The following KCP variants were observed in gnomAD, a reference collection of about 807,000 sequenced individuals.
KCP encodes kielin cysteine rich BMP regulator.
KCP carries 194 observed loss-of-function variants against 212.7 expected under a neutral mutation model. The observed-to-expected ratio is 0.91, with a 90% CI of 0.81 to 1.03. KCP has a LOEUF of 1.03. KCP is among the 50% of genes least tolerant of loss of function. KCP has a pLI of 0.00. For synonymous variants in KCP, 833 were observed against 865.3 expected (o/e 0.96, Z 0.65); for missense variants, 2,080 against 2,162.5 (o/e 0.96, Z 0.76).
In KCP at chr7:128,907,353, G is replaced by A. The variant is rs1204144006; in HGVS notation, c.320C>T (p.Ala107Val). Residue 107 changes from alanine (A) to valine (V), a missense_variant, in exon 3 of 40, where the codon GCA becomes GTA. Ala to Val is a moderately conservative substitution (Grantham distance 64). Transcript: ENST00000610776. ...TGTGCAGGCGTCAGGCTCCCAGCGTGCCCCCTCGGGCCAGGCACGCCCCAG... is the reference window on the plus strand; with the variant it reads ...TGTGCAGGCGTCAGGCTCCCAGCGTACCCCCTCGGGCCAGGCACGCCCCAG... Reference protein sequence around the residue: ...WGLGRAWPEGARWEPDACTAC... With the variant: ...WGLGRAWPEGVRWEPDACTAC... 2 of 1,542,678 alleles carry A rather than the reference G, an allele frequency of 1.3e-6. No individual in the cohort carries two copies. Among genetic ancestry groups the A allele is most frequent in the Admixed American group, 3.9e-5 (2 of 50,790 alleles).
At position 128,877,656 on chromosome 7, in the gene KCP, G is replaced by A; in HGVS notation, c.4446C>T (p.Arg1482=). 6.4e-7 allele frequency: 1 copy of A among 1,551,594 alleles called. No individual in the cohort carries two copies. Among genetic ancestry groups the A allele is most frequent in the South Asian group, 1.2e-5 (1 of 84,068 alleles). ...GCTCCGGTGGCACCACAGCATGGCA[G>A]CGACTGAATGGGGAGGACTTCAGCA... ...CGVLKSSPFS[R]CHAVVPPEPF... is the part of the protein sequence containing the mutation. Residue 1482 remains arginine (R), a synonymous_variant, in exon 39 of 40, where the codon CGC becomes CGT. Transcript: ENST00000610776.
chr7:128,890,221 C>G, intron 21 of KCP, 122 bp downstream of exon 21: 5 of 1,529,218 alleles, frequency 3.3e-6, no homozygotes, highest in South Asian at 1.2e-5. Flanking sequence ...CTCCCAGCCT[C>G]GGGGCTTTTT....
At chr7:128,888,096 CCACATACA>C (rs1321280987) in intron 22 of KCP, among the ~76,000 whole-genome samples, 1,923 of 134,220 alleles carry the variant, frequency 0.014, 23 homozygotes, top group Non-Finnish European at 0.021. Flanking sequence ...ACACACATAC[CCACATACA>C]CACAGCTACA....
chr7:128,877,083 G>A lies in KCP; in HGVS notation c.4847C>T (p.Ala1616Val), dbSNP rs1331492043. The A allele has an allele frequency of 6.6e-7, 1 of 1,520,394 alleles. No homozygotes were observed. Among genetic ancestry groups the A allele is most frequent in the South Asian group, 1.3e-5 (1 of 79,156 alleles). 94.2% of individuals were successfully genotyped at this position (1,520,394 alleles called of 1,614,324 possible). ...VLLTGDQPLGARPSPSREPQE... is the reference protein window; with the variant it reads ...VLLTGDQPLGVRPSPSREPQE... The stretch of plus-strand genomic sequence containing the variant: ...GGGCTCCCGGCTGGGGCTGGGCCGA[G>A]CACCAAGTGGCTGGTCTCCAGTGAG... The change falls in exon 40 of 40, where the codon GCT (alanine) becomes GTT (valine). Residue 1616 changes from alanine to valine, a missense_variant. By Grantham distance (64) the Ala-to-Val change is moderately conservative. Transcript: ENST00000610776.
intron 11 of KCP, 44 bp from the exon 12 acceptor site, chr7:128,893,520 GA>G: frequency 7.1e-7 from 1 of 1,406,966 alleles, no homozygotes; most frequent in Admixed American, 2.0e-5. Flanking sequence ...GCTGGAGGCA[GA>G]GGGGAAGCTT....
At chr7:128,880,587 C>T (rs1356152222) in intron 33 of KCP, 32 bp downstream of exon 33, 1 of 1,338,950 alleles carries the variant, frequency 7.5e-7, no homozygotes, top group African/African-American at 1.5e-5. Flanking sequence ...GAAGGTCTGG[C>T]TTACCCCTCC....
At chr7:128,884,682 G>A (rs946111078) in intron 28 of KCP, 99 bp downstream of exon 28, 9 of 1,111,190 alleles carry the variant, frequency 8.1e-6, no homozygotes, top group Non-Finnish European at 1.1e-5. Flanking sequence ...CCCCCAGAGT[G>A]CCTGCTCCAT....
intron 26 of KCP, among the ~76,000 whole-genome samples, chr7:128,885,987 A>T (rs1234942907): frequency 6.6e-6 from 1 of 152,164 alleles, no homozygotes; most frequent in African/African-American, 2.4e-5. Flanking sequence ...CTGCTCACTG[A>T]ATGTCAGGTA....
rs911448078 is a variant in KCP at position 128,910,590 on chromosome 7, C to G, written c.76+11G>C. ...CTGGCCGGACCCCAAGCCTCCCGCACCTGGACTCACCTTCCGCGCCCGCGG... is the reference window on the plus strand; with the variant it reads ...CTGGCCGGACCCCAAGCCTCCCGCAGCTGGACTCACCTTCCGCGCCCGCGG... On this transcript the variant is annotated intron_variant, in intron 1 of 39. Coordinates refer to ENST00000610776, the MANE Select transcript of KCP (RefSeq NM_001366122.1). 6.6e-7 allele frequency: 1 copy of G among 1,514,108 alleles called. No individual in the cohort carries two copies. Among genetic ancestry groups the G allele is most frequent in the Non-Finnish European group, 8.8e-7 (1 of 1,138,408 alleles). 93.8% of individuals were successfully genotyped at this position (1,514,108 alleles called of 1,614,324 possible).
At chr7:128,879,873 G>A in intron 35 of KCP, 40 bp downstream of exon 35, 1 of 1,551,158 alleles carries the variant, frequency 6.4e-7, no homozygotes, top group Non-Finnish European at 8.7e-7. Flanking sequence ...AGCAGGGCTG[G>A]GTGTAGGGGT....
chr7:128,891,904 C>T, intron 16 of KCP, 85 bp from the exon 17 acceptor site: 1 of 1,035,916 alleles, frequency 9.7e-7, no homozygotes, highest in South Asian at 2.1e-5. Context: ...CACACAAGTG[C>T]CCACTTGGAA....
Position 128,881,725 on chromosome 7 carries a change from C to T in KCP, c.3325G>A (p.Asp1109Asn). 6.5e-7 allele frequency: 1 copy of T among 1,536,346 alleles called. No individual in the cohort carries two copies. The highest frequency in any genetic ancestry group is 8.8e-7 in the Non-Finnish European group (1 of 1,142,468). Reference sequence around the variant, plus strand: ...TGGTGGATGCAGAGCCATGTCAGGTCCTGCCCATGTGAACACAAGAGGTAG... The same window carrying T: ...TGGTGGATGCAGAGCCATGTCAGGTTCTGCCCATGTGAACACAAGAGGTAG... ...PDPCYTCQCQ[D>N]LTWLCIHQAC... The change falls in exon 31 of 40, where the codon GAC becomes AAC. Residue 1109 changes from aspartate to asparagine, a missense_variant and splice_region_variant. Asp to Asn is a conservative substitution (Grantham distance 23). Coordinates refer to ENST00000610776, the MANE Select transcript of KCP (RefSeq NM_001366122.1).
rs1025644329 is a variant in KCP at position 128,890,944 on chromosome 7, C to T, written c.2125G>A (p.Ala709Thr). ...QRLPCPPAPC[A>T]HPRQGPCCPS... ...CAGCAAGGCCCCTGGCGCGGGTGCG[C>T]GCAGGGCGCGGGCGGGCAGGGCAGC... is the stretch of plus-strand genomic sequence containing the variant. Residue 709 changes from alanine (A) to threonine (T), a missense_variant, in exon 20 of 40, where the codon GCG (alanine) becomes ACG (threonine). Ala to Thr is a moderately conservative substitution (Grantham distance 58, BLOSUM62 0). Transcript: ENST00000610776. 8 of 1,247,864 alleles carry T rather than the reference C, an allele frequency of 6.4e-6. No homozygotes were observed. Among genetic ancestry groups the T allele is most frequent in the South Asian group, 7.3e-5 (2 of 27,362 alleles). The allele number at this position is 1,247,864 out of a possible 1,614,324, so 77.3% of individuals were successfully genotyped here. A position where few individuals can be genotyped will look rare whatever the true frequency, so the allele number is the denominator to read the frequency against.
chr7:128,899,416 C>T (rs1247007142), intron 8 of KCP, among the ~76,000 whole-genome samples: 1 of 152,138 alleles, frequency 6.6e-6, no homozygotes, highest in African/African-American at 2.4e-5. Flanking sequence ...TTTCTGATAA[C>T]TTTGGAGATT....
chr7:128,910,702 C>T lies in KCP; in HGVS notation c.-26G>A, dbSNP rs1180498045. The T allele has an allele frequency of 3.4e-6, 5 of 1,467,334 alleles. No individual in the cohort carries two copies. Among genetic ancestry groups the T allele is most frequent in the African/African-American group, 2.9e-5 (2 of 68,010 alleles). The allele number at this position is 1,467,334 out of a possible 1,614,324, so 90.9% of individuals were successfully genotyped here. ...GCTAGCTCCGCCTCGCTCGGCTCGCCGTCTGTCGTCGCGGCTCAGCAGGCG... is the reference window on the plus strand; with the variant it reads ...GCTAGCTCCGCCTCGCTCGGCTCGCTGTCTGTCGTCGCGGCTCAGCAGGCG... On this transcript the variant is annotated 5_prime_UTR_variant, in exon 1 of 40. Transcript: ENST00000610776.
rs1301150499 is a variant in KCP at position 128,891,468 on chromosome 7, G to T, written c.1861C>A (p.Arg621Ser). ...ADFPHPSDPC[R>S]LCRCLSGNVQ... ...AGACTCACCAGACAGCGACACAGAC[G>T]GCAGGGGTCAGAGGGGTGGGGGAAG... Residue 621 changes from arginine to serine, a missense_variant, in exon 18 of 40, where the codon CGT becomes AGT. Arg to Ser is a moderately radical substitution (Grantham distance 110). Transcript: ENST00000610776. 6.4e-7 allele frequency: 1 copy of T among 1,550,500 alleles called. No individual in the cohort carries two copies. The highest frequency in any genetic ancestry group is 8.7e-7 in the Non-Finnish European group (1 of 1,146,758).
Position 128,892,498 on chromosome 7 carries a change from G to T in KCP, c.1621+16C>A, listed in dbSNP as rs1794219288. 6.7e-7 allele frequency: 1 copy of T among 1,500,794 alleles called. No individual in the cohort carries two copies. Among genetic ancestry groups the T allele is most frequent in the African/African-American group, 1.4e-5 (1 of 72,230 alleles). 93.0% of individuals were successfully genotyped at this position (1,500,794 alleles called of 1,614,324 possible). ...TGGGGCCCTGATCCCCTCAGGCCCA[G>T]TGAGTGCCCACATACCTGGGCACCT... On this transcript the variant is annotated intron_variant, in intron 16 of 39. Transcript: ENST00000610776.
At chr7:128,907,233 G>T in intron 3 of KCP, 31 bp downstream of exon 3, 3 of 1,537,252 alleles carry the variant, frequency 2.0e-6, no homozygotes, top group Non-Finnish European at 2.6e-6. Context: ...GTCTTTAGGT[G>T]GCCCCAGTGG....
chr7:128,878,786 C>A, intron 37 of KCP, 64 bp from the exon 38 acceptor site: 1 of 1,470,026 alleles, frequency 6.8e-7, no homozygotes, highest in Non-Finnish European at 9.1e-7. Context: ...GCCCAGGGTC[C>A]ATCATGGCCC....
Sources: gnomAD v4.1 joint callset for allele counts (sites outside exome capture counted in the v4.1 genomes callset) on GRCh38, gnomAD v4.1.1 for gene constraint, MANE v1.5 for transcripts, NCBI Gene and HGNC (gene_info 2026-07-23, HGNC 2026-07-21) for gene names.